Variants in NXPE2 observed in about 807,000 individuals in gnomAD.
NXPE2 encodes neurexophilin and PC-esterase domain family member 2.
A neutral mutation model predicts 34.4 loss-of-function variants in NXPE2; 34 were observed. The ratio of observed to expected loss-of-function variants is 0.99; its 90% confidence interval spans 0.75 to 1.31. NXPE2 has a LOEUF of 1.31. NXPE2 is among the 40% of genes most tolerant of loss of function. The pLI, the probability that NXPE2 is intolerant of heterozygous loss-of-function variation, is 0.00. For missense variants in NXPE2, 649 were observed against 672.5 expected (o/e 0.97, Z 0.39); for synonymous variants, 235 against 231.3 (o/e 1.02, Z -0.15).
the NXPE2 span, among the ~76,000 whole-genome samples, chr11:114,465,287 ATAAT>A: frequency 1.3e-5 from 2 of 152,342 alleles, no homozygotes; most frequent in African/African-American, 4.8e-5. Context: ...AGTAGAATTC[ATAAT>A]TAATTGTGTT....
the NXPE2 span, among the ~76,000 whole-genome samples, chr11:114,602,030 A>C: frequency 2.2e-5 from 2 of 90,380 alleles, no homozygotes; most frequent in Non-Finnish European, 3.8e-5. Flanking sequence ...AATATATGTT[A>C]TACTATATAA....
chr11:114,633,471 GTAT>G, the NXPE2 span, among the ~76,000 whole-genome samples: 1 of 143,984 alleles, frequency 6.9e-6, no homozygotes, highest in African/African-American at 2.6e-5. Flanking sequence ...TTTTATTTTA[GTAT>G]TATTATACTT....
At chr11:114,636,083 T>A in the NXPE2 span, among the ~76,000 whole-genome samples, 1 of 58,434 alleles carries the variant, frequency 1.7e-5, no homozygotes, top group African/African-American at 7.3e-5. Flanking sequence ...CGACTGTGAA[T>A]CCATCTGGTC....
chr11:114,625,433 G>T, the NXPE2 span, among the ~76,000 whole-genome samples: 1 of 152,076 alleles, frequency 6.6e-6, no homozygotes, highest in Non-Finnish European at 1.5e-5. Context: ...CTACCACATG[G>T]ATAATAAGTA....
chr11:114,464,600 A>C, the NXPE2 span, among the ~76,000 whole-genome samples: 8 of 152,206 alleles, frequency 5.3e-5, no homozygotes, highest in Non-Finnish European at 7.3e-5. Context: ...AAATTTAAAA[A>C]TATACCATTT....
chr11:114,793,117 T>C, the NXPE2 span, among the ~76,000 whole-genome samples: 15 of 152,286 alleles, frequency 9.8e-5, 1 homozygote, highest in African/African-American at 3.6e-4. Context: ...TCCACATCCA[T>C]CCATCACATG....
At chr11:114,782,607 GA>G in the NXPE2 span, among the ~76,000 whole-genome samples, 25 of 152,226 alleles carry the variant, frequency 1.6e-4, no homozygotes, top group Admixed American at 1.1e-3. Flanking sequence ...CTGAAGCTCA[GA>G]TAAGTAGTTT....
At chr11:114,768,446 A>T in the NXPE2 span, among the ~76,000 whole-genome samples, 1 of 152,218 alleles carries the variant, frequency 6.6e-6, no homozygotes. Flanking sequence ...AATTCTGTGA[A>T]GAAAGTCAAT....
the NXPE2 span, among the ~76,000 whole-genome samples, chr11:114,725,976 A>AAAAAAAATATATATAT: frequency 2.4e-3 from 248 of 101,708 alleles, 2 homozygotes; most frequent in African/African-American, 8.1e-3. Context: ...ATAAAAAAAA[A>AAAAAAAATATATATAT]ATATATATAT....
At chr11:114,588,853 AAT>A in the NXPE2 span, among the ~76,000 whole-genome samples, 1 of 152,094 alleles carries the variant, frequency 6.6e-6, no homozygotes, top group Admixed American at 6.5e-5. Flanking sequence ...GCTCATCCTA[AAT>A]GACAAGTTTA....
the NXPE2 span, among the ~76,000 whole-genome samples, chr11:114,520,919 T>G: frequency 6.6e-6 from 1 of 152,370 alleles, no homozygotes; most frequent in African/African-American, 2.4e-5. Context: ...TACAAAGCTT[T>G]AAAATTAATA....
At chr11:114,543,660 C>G in the NXPE2 span, among the ~76,000 whole-genome samples, 1 of 152,020 alleles carries the variant, frequency 6.6e-6, no homozygotes, top group South Asian at 2.1e-4. Flanking sequence ...TAAACACTTC[C>G]CCAATATTGG....
chr11:114,490,699 A>T, the NXPE2 span, among the ~76,000 whole-genome samples: 1 of 152,236 alleles, frequency 6.6e-6, no homozygotes, highest in African/African-American at 2.4e-5. Flanking sequence ...ACAAAAATTA[A>T]TTCAAGATGG....
the NXPE2 span, among the ~76,000 whole-genome samples, chr11:114,600,763 T>G: frequency 6.6e-6 from 1 of 152,104 alleles, no homozygotes; most frequent in Non-Finnish European, 1.5e-5. Context: ...CCAATGTTAA[T>G]TTCTTAATTC....
chr11:114,760,928 C>T, the NXPE2 span, among the ~76,000 whole-genome samples: 2 of 152,156 alleles, frequency 1.3e-5, no homozygotes, highest in African/African-American at 4.8e-5. Context: ...TATTTATTGT[C>T]ACTGCCTAAT....
At chr11:114,803,239 T>C in the NXPE2 span, among the ~76,000 whole-genome samples, 7 of 152,344 alleles carry the variant, frequency 4.6e-5, no homozygotes, top group South Asian at 8.3e-4. Context: ...AATTTATTTC[T>C]AAACCTACAC....
At chr11:114,509,312 C>T in the NXPE2 span, among the ~76,000 whole-genome samples, 2 of 152,192 alleles carry the variant, frequency 1.3e-5, no homozygotes, top group East Asian at 1.9e-4. Context: ...AATGCTTTTA[C>T]ACTGTTAGTG....
Position 114,707,020 on chromosome 11 carries a change from A to T in NXPE2, c.*90A>T. On this transcript the variant is annotated 3_prime_UTR_variant, in exon 6 of 6. Coordinates refer to ENST00000389586, the MANE Select transcript of NXPE2 (RefSeq NM_182495.6). ...GTTTAATGCAATCCAAGTTTTGAGG[A>T]AACTAAATTTGAAAAAGTTCTATTA... 1 of 1,052,026 alleles carries T rather than the reference A, an allele frequency of 9.5e-7. No homozygotes were observed. Among genetic ancestry groups the T allele is most frequent in the Non-Finnish European group, 1.3e-6 (1 of 749,116 alleles). The allele number at this position is 1,052,026 out of a possible 1,614,324, so 65.2% of individuals were successfully genotyped here.
chr11:114,795,554 T>G, the NXPE2 span, among the ~76,000 whole-genome samples: 1 of 152,248 alleles, frequency 6.6e-6, no homozygotes, highest in Non-Finnish European at 1.5e-5. Context: ...TAGTCCCTGT[T>G]GCCCATCCTT....
Sources: gnomAD v4.1 joint callset for allele counts (sites outside exome capture counted in the v4.1 genomes callset) on GRCh38, gnomAD v4.1.1 for gene constraint, MANE v1.5 for transcripts, NCBI Gene and HGNC (gene_info 2026-07-23, HGNC 2026-07-21) for gene names.